Variants in DGKH observed in about 807,000 individuals in gnomAD.
DGKH encodes diacylglycerol kinase eta, also known as DAG kinase eta.
In DGKH, 90 loss-of-function variants were observed where a neutral mutation model predicts 159.3. The ratio of observed to expected loss-of-function variants is 0.57; its 90% CI spans 0.48 to 0.67. The LOEUF is 0.67. Among genes scored for constraint, DGKH ranks in the 30% least tolerant of loss-of-function variants. DGKH has a pLI of 0.00. For synonymous variants in DGKH, 536 were observed against 553.8 expected (o/e 0.97, Z 0.45); for missense variants, 1,181 against 1,506.1 (o/e 0.78, Z 3.57).
At chr13:42,155,483 T>G in intron 4 of DGKH, 88 bp downstream of exon 4, 1 of 1,465,656 alleles carries the variant, frequency 6.8e-7, no homozygotes, top group Non-Finnish European at 9.5e-7. Flanking sequence ...AACATAAGTA[T>G]GTGTACACTC....
intron 16 of DGKH, among the ~76,000 whole-genome samples, chr13:42,192,842 C>T (rs1467061458): frequency 6.6e-6 from 1 of 152,072 alleles, no homozygotes; most frequent in East Asian, 1.9e-4. Flanking sequence ...CAATGTTTAT[C>T]TTAAAATGTG....
intron 1 of DGKH, among the ~76,000 whole-genome samples, chr13:42,063,417 C>T (rs1284097280): frequency 6.6e-6 from 1 of 152,144 alleles, no homozygotes; most frequent in Non-Finnish European, 1.5e-5. Flanking sequence ...ATTTCCTTGA[C>T]AGTTTAGCAC....
intron 11 of DGKH, among the ~76,000 whole-genome samples, chr13:42,170,857 C>T (rs1289958939): frequency 5.3e-5 from 8 of 151,210 alleles, no homozygotes; most frequent in Non-Finnish European, 1.2e-4. Context: ...GCAGGAGAAT[C>T]GCTTGAACCC....
Position 42,214,619 on chromosome 13 carries a change from A to G in DGKH, c.3120+7A>G, listed in dbSNP as rs1215576988. 2 of 1,609,772 alleles carry G rather than the reference A, an allele frequency of 1.2e-6. No homozygotes were observed. Among genetic ancestry groups the G allele is most frequent in the East Asian group, 2.2e-5 (1 of 44,858 alleles). On this transcript the variant is annotated splice_region_variant and intron_variant, in intron 25 of 29. Coordinates refer to ENST00000337343, the MANE Select transcript of DGKH (RefSeq NM_178009.5). ...CAACCCAAGGTGCCCGGAGGTGAGGATCTAATGGTAAATTCTCATTCCACA... is the reference window on the plus strand; with the variant it reads ...CAACCCAAGGTGCCCGGAGGTGAGGGTCTAATGGTAAATTCTCATTCCACA...
intron 24 of DGKH, among the ~76,000 whole-genome samples, chr13:42,213,887 G>A (rs1017948890): frequency 6.6e-6 from 1 of 152,150 alleles, no homozygotes; most frequent in Non-Finnish European, 1.5e-5. Context: ...ATTCTTAGAG[G>A]TTTGGATACC....
intron 3 of DGKH, among the ~76,000 whole-genome samples, chr13:42,134,988 A>C (rs1955371058): frequency 6.6e-6 from 1 of 152,170 alleles, no homozygotes; most frequent in South Asian, 2.1e-4. Flanking sequence ...AAAAAAAAGA[A>C]AGAAACAGAT....
chr13:42,219,348 A>G lies in DGKH; in HGVS notation c.3332A>G (p.Glu1111Gly), dbSNP rs1329067715. The change falls in exon 27 of 30, where the codon GAG (glutamate) becomes GGG (glycine). Residue 1111 changes from glutamate (E) to glycine (G), a missense_variant and splice_region_variant. Transcript: ENST00000337343. ...LYYILHPNED[E>G]EPPMDCTKRN... ...TATATCTTACACCCAAATGAGGATG[A>G]GGTATGTAAAATTCAGCCTGTTTCT... 5 of 1,613,254 alleles carry G rather than the reference A, an allele frequency of 3.1e-6. No homozygotes were observed. The highest frequency in any genetic ancestry group is 4.2e-6 in the Non-Finnish European group (5 of 1,179,738).
chr13:42,225,447 G>C (rs989974980), intron 29 of DGKH: 56 of 1,031,348 alleles, frequency 5.4e-5, no homozygotes, highest in Admixed American at 1.2e-4. Context: ...TCAAAATTTG[G>C]ACTGTTTATC....
chr13:42,098,999 A>G (rs565160562), intron 1 of DGKH, among the ~76,000 whole-genome samples: 2 of 152,256 alleles, frequency 1.3e-5, no homozygotes, highest in African/African-American at 2.4e-5. Flanking sequence ...CTTAATTGCA[A>G]TAGAAGGTCA....
chr13:42,106,950 A>C (rs1954772367), intron 1 of DGKH, among the ~76,000 whole-genome samples: 1 of 152,214 alleles, frequency 6.6e-6, no homozygotes, highest in Admixed American at 6.5e-5. Context: ...AGGTTGAGGC[A>C]GGAGAATCAC....
In DGKH at chr13:42,232,545, A is replaced by G. The variant is rs1466235363; in HGVS notation, c.*3357A>G. 6.6e-6 allele frequency: 1 copy of G among 152,082 alleles called. No individual in the cohort carries two copies. The highest frequency in any genetic ancestry group is 1.5e-5 in the Non-Finnish European group (1 of 68,026). The allele number at this position is 152,082 out of a possible 1,614,324, so 9.4% of individuals were successfully genotyped here. A position where few individuals can be genotyped will look rare whatever the true frequency, so the allele number is the denominator to read the frequency against. ...GTTGCTGAAATTCTCACTGCCTTCT[A>G]CTTTCCTTTCCCCATCAATTAACCC... On this transcript the variant is annotated 3_prime_UTR_variant, in exon 30 of 30. Coordinates refer to ENST00000337343, the MANE Select transcript of DGKH (RefSeq NM_178009.5).
At chr13:42,041,685 C>A (rs1880517532) in intron 1 of DGKH, among the ~76,000 whole-genome samples, 1 of 152,166 alleles carries the variant, frequency 6.6e-6, no homozygotes, top group South Asian at 2.1e-4. Flanking sequence ...GGATTCCACC[C>A]CGGAATCCCC....
At chr13:42,108,977 T>A (rs1203481424) in intron 1 of DGKH, among the ~76,000 whole-genome samples, 1 of 152,200 alleles carries the variant, frequency 6.6e-6, no homozygotes, top group Non-Finnish European at 1.5e-5. Context: ...TTGTTATTTT[T>A]AAAAATAAGA....
chr13:42,173,130 C>T (rs990571496), intron 11 of DGKH, among the ~76,000 whole-genome samples: 9 of 152,036 alleles, frequency 5.9e-5, no homozygotes, highest in Non-Finnish European at 1.3e-4. Flanking sequence ...CAGCACCATG[C>T]CAGGCTATTT....
intron 1 of DGKH, among the ~76,000 whole-genome samples, chr13:42,124,559 T>C (rs572177796): frequency 6.6e-6 from 1 of 152,252 alleles, no homozygotes; most frequent in East Asian, 1.9e-4. Context: ...TTGGGGACCT[T>C]TTAATTCCTG....
At chr13:42,189,583 T>A (rs1957014642) in intron 15 of DGKH, among the ~76,000 whole-genome samples, 1 of 152,144 alleles carries the variant, frequency 6.6e-6, no homozygotes, top group Admixed American at 6.5e-5. Flanking sequence ...TAAATGACAT[T>A]TAAAAAATTT....
intron 30 of DGKH, chr13:42,255,735 A>G (rs1294417832): frequency 1.5e-5 from 6 of 405,354 alleles, no homozygotes; most frequent in Non-Finnish European, 2.6e-5. Flanking sequence ...AATAAATGAC[A>G]TGTGGGAAGC....
intron 1 of DGKH, among the ~76,000 whole-genome samples, chr13:42,095,767 G>A (rs892581448): frequency 6.6e-6 from 1 of 152,120 alleles, no homozygotes; most frequent in East Asian, 1.9e-4. Flanking sequence ...ATAACTATTA[G>A]CCTAATACTG....
chr13:42,254,516 C>T (rs2138341697), intron 30 of DGKH, among the ~76,000 whole-genome samples: 1 of 152,016 alleles, frequency 6.6e-6, no homozygotes, highest in African/African-American at 2.4e-5. Context: ...GCCTATAATC[C>T]CAGCTACGTG....
Sources: allele counts gnomAD v4.1 joint callset (sites outside exome capture counted in the v4.1 genomes callset), GRCh38; gene constraint gnomAD v4.1.1; transcripts MANE v1.5; gene names NCBI Gene and HGNC (gene_info 2026-07-23, HGNC 2026-07-21).